Variants in CTNNA3 observed in about 807,000 individuals in gnomAD.
CTNNA3 encodes catenin alpha-3.
Under a neutral mutation model 95.7 loss-of-function variants are expected in CTNNA3, and 76 were observed. The observed-to-expected ratio is 0.79, with a 90% CI of 0.66 to 0.96. The LOEUF is 0.96. Ranked by LOEUF, CTNNA3 falls within the 40% of genes least tolerant of loss-of-function variation. CTNNA3 has a pLI of 0.00. For synonymous variants in CTNNA3, 431 were observed against 374.4 expected, an observed-to-expected ratio of 1.15 and a Z score of -1.74; for missense variants, 1,191 against 1,089.8, an observed-to-expected ratio of 1.09 and a Z score of -1.31.
intron 11 of CTNNA3, among the ~76,000 whole-genome samples, chr10:66,501,020 C>T (rs1223515261): frequency 3.3e-5 from 5 of 152,028 alleles, no homozygotes; most frequent in African/African-American, 1.2e-4. Flanking sequence ...AATCTCAAAG[C>T]CACTGATTCC....
In CTNNA3 at chr10:67,260,683, G is replaced by GTT. The variant is rs11363504; in HGVS notation, c.580-40815_580-40814dup. Reference sequence around the variant, plus strand: ...TTTCACTGTTTTGTTTTGTTTTTTTGTTTTTTTTTTGTTTTTTTGAGGTGG... The same window carrying GTT: ...TTTCACTGTTTTGTTTTGTTTTTTTGTTTTTTTTTTTTGTTTTTTTGAGGTGG... On this transcript the variant is annotated intron_variant, in intron 5 of 17. Transcript: ENST00000433211. 2.6e-4 allele frequency among the ~76,000 whole-genome samples: 39 copies of GTT among 148,054 alleles called. No homozygotes were observed. The South Asian group carries it at 7.0e-3, about 27-fold the overall frequency.
chr10:65,964,535 A>G (rs1272577647), intron 17 of CTNNA3, among the ~76,000 whole-genome samples: 1 of 152,214 alleles, frequency 6.6e-6, no homozygotes, highest in Non-Finnish European at 1.5e-5. Context: ...ATGAATTTCT[A>G]TATATAGAAA....
intron 3 of CTNNA3, among the ~76,000 whole-genome samples, chr10:67,569,271 G>T (rs983118390): frequency 4.6e-5 from 7 of 152,146 alleles, no homozygotes; most frequent in Non-Finnish European, 1.0e-4. Flanking sequence ...GAGGTGTGCG[G>T]ATGATTGGGA....
chr10:67,181,454 GAGAT>G, intron 6 of CTNNA3, among the ~76,000 whole-genome samples: 1 of 152,130 alleles, frequency 6.6e-6, no homozygotes, highest in Admixed American at 6.6e-5. Context: ...ATTGAAGAAA[GAGAT>G]AGTGTAGAAT....
rs184553469 is a variant in CTNNA3, at chr10:65,974,194, G to T, written c.2266-7448C>A. 2.0e-3 allele frequency among the ~76,000 whole-genome samples: 305 copies of T among 152,202 alleles called. 1 individual carries two copies. Among genetic ancestry groups the T allele is most frequent in the African/African-American group, 6.9e-3 (285 of 41,538 alleles). Reference sequence around the variant, plus strand: ...GAAGGCAGTTTGGAGATTTCTCAAAGAACTTAAAACATAACTAACATTTGA... The same window carrying T: ...GAAGGCAGTTTGGAGATTTCTCAAATAACTTAAAACATAACTAACATTTGA... On this transcript the variant is annotated intron_variant, in intron 16 of 17. Coordinates refer to ENST00000433211, the MANE Select transcript of CTNNA3 (RefSeq NM_013266.4).
chr10:66,832,014 C>T (rs891997054), intron 7 of CTNNA3, among the ~76,000 whole-genome samples: 10 of 152,100 alleles, frequency 6.6e-5, no homozygotes, highest in African/African-American at 2.2e-4. Flanking sequence ...TGGTCAGGTG[C>T]TCTGAAACAC....
At chr10:66,441,933 T>C (rs2093378079) in intron 11 of CTNNA3, among the ~76,000 whole-genome samples, 1 of 152,230 alleles carries the variant, frequency 6.6e-6, no homozygotes, top group Admixed American at 6.5e-5. Context: ...ATAGAAACTC[T>C]TGCAGAAAAA....
rs550486277 is a variant in CTNNA3 at position 67,546,432 on chromosome 10, T to C, written c.293-6763A>G. ...ATAGCCATGACCCACCCCACTGAGC[T>C]AAATTTGACAATAATTTTAAGATAA... On this transcript the variant is annotated intron_variant, in intron 3 of 17. Transcript: ENST00000433211. 5.9e-5 allele frequency among the ~76,000 whole-genome samples: 9 copies of C among 152,250 alleles called. No homozygotes were observed. The South Asian group carries it at 1.9e-3, about 32-fold the overall frequency.
At chr10:66,006,667 C>T (rs1475216775) in intron 15 of CTNNA3, among the ~76,000 whole-genome samples, 1 of 152,148 alleles carries the variant, frequency 6.6e-6, no homozygotes, top group Non-Finnish European at 1.5e-5. Context: ...TCGCTTTAAA[C>T]CACCGTGATA....
chr10:67,726,408 C>T (rs1386414099), intron 1 of CTNNA3, among the ~76,000 whole-genome samples: 1,810 of 50,392 alleles, frequency 0.036, 65 homozygotes, highest in African/African-American at 0.1. Context: ...TATATTATAT[C>T]ATATATAATA....
intron 10 of CTNNA3, among the ~76,000 whole-genome samples, chr10:66,620,697 C>G (rs924843455): frequency 3.3e-5 from 5 of 152,152 alleles, no homozygotes; most frequent in Non-Finnish European, 5.9e-5. Flanking sequence ...TGCAGGTCCT[C>G]TAGATCCCAC....
intron 7 of CTNNA3, among the ~76,000 whole-genome samples, chr10:67,074,107 C>A (rs1589699554): frequency 7.4e-6 from 1 of 134,324 alleles, no homozygotes; most frequent in Admixed American, 8.4e-5. Flanking sequence ...GCCATCTTGG[C>A]TCATTACAAC....
intron 9 of CTNNA3, among the ~76,000 whole-genome samples, chr10:66,761,480 G>A (rs1839595756): frequency 1.3e-5 from 2 of 151,958 alleles, no homozygotes; most frequent in Non-Finnish European, 2.9e-5. Context: ...TAACTAATAC[G>A]ATAAAATCCA....
At chr10:66,285,825 A>G (rs10822792) in intron 12 of CTNNA3, among the ~76,000 whole-genome samples, 28,383 of 151,790 alleles carry the variant, frequency 0.19, 2,929 homozygotes, top group Admixed American at 0.27. Flanking sequence ...CATTAAGCAT[A>G]TGAATAAGAA....
At chr10:66,887,444 G>A (rs1250231146) in intron 7 of CTNNA3, among the ~76,000 whole-genome samples, 1 of 151,820 alleles carries the variant, frequency 6.6e-6, no homozygotes, top group African/African-American at 2.4e-5. Flanking sequence ...AAAAAATGAA[G>A]TTTCATGATT....
chr10:65,955,212 G>A (rs10822681), intron 17 of CTNNA3, among the ~76,000 whole-genome samples: 17,466 of 152,142 alleles, frequency 0.11, 1,389 homozygotes, highest in South Asian at 0.25. Context: ...GTATAGGAAT[G>A]CTTGTGATTT....
intron 6 of CTNNA3, among the ~76,000 whole-genome samples, chr10:67,216,416 T>C (rs1864363303): frequency 6.6e-6 from 1 of 152,200 alleles, no homozygotes; most frequent in Non-Finnish European, 1.5e-5. Flanking sequence ...TAGAGCCATA[T>C]ACCCCCAAAT....
intron 3 of CTNNA3, among the ~76,000 whole-genome samples, chr10:67,599,816 A>G (rs922737752): frequency 1.3e-5 from 2 of 152,182 alleles, no homozygotes; most frequent in Non-Finnish European, 2.9e-5. Context: ...AAATTGATCC[A>G]TAGATCTAAT....
chr10:66,073,649 T>G (rs565848652), intron 14 of CTNNA3, among the ~76,000 whole-genome samples: 2 of 152,082 alleles, frequency 1.3e-5, no homozygotes, highest in Non-Finnish European at 2.9e-5. Context: ...ATCACATCCA[T>G]TTCCCTCTAT....
Sources: allele counts gnomAD v4.1 joint callset (sites outside exome capture counted in the v4.1 genomes callset), GRCh38; gene constraint gnomAD v4.1.1; transcripts MANE v1.5; gene names NCBI Gene and HGNC (gene_info 2026-07-23, HGNC 2026-07-21).